CTNNA2: variants seen among roughly 807,000 people sequenced by gnomAD.
CTNNA2 encodes the protein catenin alpha 2, also known as catenin alpha-2.
A neutral mutation model predicts 101.0 loss-of-function variants in CTNNA2; 42 were observed. That is an observed-to-expected ratio of 0.42 (90% CI 0.32 to 0.54). CTNNA2 has a LOEUF of 0.54. CTNNA2 is among the 20% of genes least tolerant of loss of function. The probability of loss-of-function intolerance (pLI) is 0.14; values close to 1 mark genes in which losing one functional copy is unlikely to be tolerated. For missense variants in CTNNA2, 871 were observed against 1,223.1 expected, an observed-to-expected ratio of 0.71 and a Z score of 4.29; for synonymous variants, 450 against 456.4, an observed-to-expected ratio of 0.99 and a Z score of 0.18.
intron 7 of CTNNA2, among the ~76,000 whole-genome samples, chr2:80,249,357 A>G (rs576918821): frequency 1.3e-5 from 2 of 152,320 alleles, no homozygotes; most frequent in East Asian, 1.9e-4. Flanking sequence ...GCCAGGATTC[A>G]GGCCTCCTTA....
chr2:80,045,056 G>T (rs1299030673), intron 7 of CTNNA2, among the ~76,000 whole-genome samples: 5 of 152,180 alleles, frequency 3.3e-5, no homozygotes, highest in Admixed American at 3.3e-4. Flanking sequence ...TGAATAATGG[G>T]CCTATGGCCT....
intron 6 of CTNNA2, among the ~76,000 whole-genome samples, chr2:79,895,924 AGAG>A (rs1468057357): frequency 1.7e-4 from 26 of 152,252 alleles, no homozygotes; most frequent in African/African-American, 5.8e-4. Context: ...TCAAATCTTC[AGAG>A]GAGATTCTCA....
chr2:80,205,878 C>T (rs1056126485), intron 7 of CTNNA2, among the ~76,000 whole-genome samples: 4 of 152,162 alleles, frequency 2.6e-5, no homozygotes, highest in African/African-American at 9.6e-5. Flanking sequence ...AAAGTTCTGA[C>T]ATCTTGAATA....
chr2:79,716,301 G>A (rs922269637), intron 2 of CTNNA2, among the ~76,000 whole-genome samples: 2 of 152,096 alleles, frequency 1.3e-5, no homozygotes, highest in Non-Finnish European at 2.9e-5. Flanking sequence ...TAAGTTCAGG[G>A]GTACACATCC....
At chr2:80,207,953 A>G (rs968430823) in intron 7 of CTNNA2, among the ~76,000 whole-genome samples, 2 of 152,242 alleles carry the variant, frequency 1.3e-5, no homozygotes, top group African/African-American at 4.8e-5. Flanking sequence ...GTCACAGGAA[A>G]AAAGAAATTG....
intron 2 of CTNNA2, among the ~76,000 whole-genome samples, chr2:79,676,363 A>G (rs537759956): frequency 4.6e-5 from 7 of 152,258 alleles, no homozygotes; most frequent in Admixed American, 4.6e-4. Context: ...CAGCCAGGTC[A>G]CATACCAGCT....
At chr2:79,954,117 G>A (rs1231310448) in intron 7 of CTNNA2, among the ~76,000 whole-genome samples, 3 of 152,136 alleles carry the variant, frequency 2.0e-5, no homozygotes, top group African/African-American at 7.2e-5. Flanking sequence ...TTCACAGGCA[G>A]CAGGAGAGAA....
rs554924232 is a variant in CTNNA2, at chr2:79,689,893, T to C, written c.102+38235T>C. On this transcript the variant is annotated intron_variant, in intron 2 of 18. Transcript: ENST00000402739. ...AAGAAAGAATGTGTTAACTGGAAGA[T>C]GAATTAACATTAATTTGTAGAATAA... 2.6e-5 allele frequency among the ~76,000 whole-genome samples: 4 copies of C among 152,070 alleles called. No individual in the cohort carries two copies. In the South Asian group the frequency reaches 8.3e-4, roughly 32 times the overall value.
intron 7 of CTNNA2, among the ~76,000 whole-genome samples, chr2:79,963,534 T>G (rs1339200994): frequency 3.3e-5 from 5 of 152,168 alleles, no homozygotes; most frequent in Non-Finnish European, 7.3e-5. Context: ...AGTCACTCAC[T>G]GCTGTCATAC....
chr2:80,315,282 A>T (rs1436438230), intron 7 of CTNNA2, among the ~76,000 whole-genome samples: 1 of 152,098 alleles, frequency 6.6e-6, no homozygotes, highest in Non-Finnish European at 1.5e-5. Context: ...AGCAACAAAC[A>T]CTCCAAAACA....
At chr2:79,296,304 C>G (rs1675978305) in intron 2 of CTNNA2, among the ~76,000 whole-genome samples, 1 of 152,154 alleles carries the variant, frequency 6.6e-6, no homozygotes, top group Non-Finnish European at 1.5e-5. Context: ...TTTCACCAAT[C>G]TCTTTTATTT....
At chr2:80,514,385 G>A (rs78063689) in intron 9 of CTNNA2, among the ~76,000 whole-genome samples, 1,581 of 152,226 alleles carry the variant, frequency 0.01, 30 homozygotes, top group African/African-American at 0.036. Flanking sequence ...TTCGTGGACA[G>A]TGGGGTGTTA....
chr2:79,996,320 C>G (rs188017408), intron 7 of CTNNA2, among the ~76,000 whole-genome samples: 2 of 152,224 alleles, frequency 1.3e-5, no homozygotes, highest in East Asian at 3.9e-4. Flanking sequence ...GTCCTCTATG[C>G]AAATTGCTGC....
chr2:79,842,445 G>A (rs1037764777), intron 3 of CTNNA2, among the ~76,000 whole-genome samples: 4 of 152,070 alleles, frequency 2.6e-5, no homozygotes, highest in Non-Finnish European at 4.4e-5. Context: ...ACCATGTTAG[G>A]GTAAGCTATT....
chr2:79,536,752 C>T (rs772562870), intron 1 of CTNNA2, among the ~76,000 whole-genome samples: 1 of 149,840 alleles, frequency 6.7e-6, no homozygotes, highest in African/African-American at 2.5e-5. Context: ...GGCTGGAGTG[C>T]AGTGGTGCGA....
At chr2:80,184,409 C>T (rs1043352643) in intron 7 of CTNNA2, among the ~76,000 whole-genome samples, 11 of 152,094 alleles carry the variant, frequency 7.2e-5, no homozygotes, top group Non-Finnish European at 1.3e-4. Flanking sequence ...ATGGCATTCT[C>T]ATATTGCTTC....
At chr2:79,365,737 GA>G (rs1677735219) in intron 3 of CTNNA2, among the ~76,000 whole-genome samples, 1 of 151,952 alleles carries the variant, frequency 6.6e-6, no homozygotes, top group African/African-American at 2.4e-5. Context: ...AGACGAGAAG[GA>G]AAATATGAAT....
At chr2:79,684,121 C>A (rs1301524463) in intron 2 of CTNNA2, among the ~76,000 whole-genome samples, 1 of 152,158 alleles carries the variant, frequency 6.6e-6, no homozygotes, top group Non-Finnish European at 1.5e-5. Flanking sequence ...CAATTAAGAG[C>A]ACACTTATTG....
chr2:80,171,315 G>T (rs1705038007), intron 7 of CTNNA2, among the ~76,000 whole-genome samples: 1 of 152,180 alleles, frequency 6.6e-6, no homozygotes, highest in Non-Finnish European at 1.5e-5. Context: ...CTGATCTTCT[G>T]GTTTGTGCAT....
Sources: gnomAD v4.1 joint callset for allele counts (sites outside exome capture counted in the v4.1 genomes callset) on GRCh38, gnomAD v4.1.1 for gene constraint, MANE v1.5 for transcripts, NCBI Gene and HGNC (gene_info 2026-07-23, HGNC 2026-07-21) for gene names.